The following TRAPPC9 variants were observed in gnomAD, a reference collection of about 807,000 sequenced individuals.
TRAPPC9 encodes trafficking protein particle complex subunit 9, also known as IKK2 binding protein.
TRAPPC9 carries 83 observed loss-of-function variants against 124.0 expected under a neutral mutation model. The ratio of observed to expected loss-of-function variants is 0.67; its 90% confidence interval spans 0.56 to 0.80. The LOEUF (loss-of-function observed/expected upper bound fraction) is 0.80, where lower values mean the gene tolerates loss of function less well. Ranked by LOEUF, TRAPPC9 falls within the 30% of genes least tolerant of loss-of-function variation. TRAPPC9 has a pLI of 0.00. For missense variants in TRAPPC9, 1,302 were observed against 1,508.3 expected (o/e 0.86, Z 2.27); for synonymous variants, 638 against 617.5 (o/e 1.03, Z -0.49).
intron 19 of TRAPPC9, among the ~76,000 whole-genome samples, chr8:139,956,684 C>T (rs1208732564): frequency 6.6e-6 from 1 of 152,236 alleles, no homozygotes; most frequent in African/African-American, 2.4e-5. Flanking sequence ...CAGAGCCTGG[C>T]GCCTGTGGAT....
At chr8:139,966,939 T>C (rs1012294645) in intron 19 of TRAPPC9, among the ~76,000 whole-genome samples, 1 of 152,046 alleles carries the variant, frequency 6.6e-6, no homozygotes, top group African/African-American at 2.4e-5. Flanking sequence ...AACTGTAAGA[T>C]GACATATTAA....
At chr8:139,832,425 C>A (rs1826054090) in intron 21 of TRAPPC9, among the ~76,000 whole-genome samples, 1 of 152,224 alleles carries the variant, frequency 6.6e-6, no homozygotes, top group Non-Finnish European at 1.5e-5. Context: ...AGAAGCCCAG[C>A]CGCTGGTTGG....
intron 21 of TRAPPC9, among the ~76,000 whole-genome samples, chr8:139,872,007 G>A (rs564656718): frequency 6.6e-6 from 1 of 152,332 alleles, no homozygotes; most frequent in South Asian, 2.1e-4. Flanking sequence ...TGGGCTGGTA[G>A]ATGGGTTGGT....
At chr8:139,845,393 T>A (rs56351408) in intron 21 of TRAPPC9, among the ~76,000 whole-genome samples, 1 of 152,164 alleles carries the variant, frequency 6.6e-6, no homozygotes, top group Non-Finnish European at 1.5e-5. Flanking sequence ...CGTACGACAT[T>A]AAAACGCACT....
At chr8:139,852,610 T>TA in intron 21 of TRAPPC9, among the ~76,000 whole-genome samples, 1 of 152,206 alleles carries the variant, frequency 6.6e-6, no homozygotes, top group Admixed American at 6.5e-5. Flanking sequence ...CTAATGGTGT[T>TA]AATGGTAATG....
At chr8:140,078,779 G>A (rs1055646032) in intron 17 of TRAPPC9, among the ~76,000 whole-genome samples, 1 of 152,060 alleles carries the variant, frequency 6.6e-6, no homozygotes, top group African/African-American at 2.4e-5. Flanking sequence ...TCTAACACCA[G>A]GTCAGCCACC....
intron 19 of TRAPPC9, among the ~76,000 whole-genome samples, chr8:139,983,044 A>T (rs930546677): frequency 6.6e-6 from 1 of 152,186 alleles, no homozygotes; most frequent in Non-Finnish European, 1.5e-5. Context: ...TGATTATATT[A>T]AAGGGCAGGG....
intron 21 of TRAPPC9, among the ~76,000 whole-genome samples, chr8:139,815,073 C>T (rs28677822): frequency 0.37 from 55,800 of 152,092 alleles, 11,403 homozygotes; most frequent in East Asian, 0.57. Context: ...TGTGGGTCAG[C>T]TTCAATCCCA....
At chr8:140,330,583 A>G (rs1038457766) in intron 9 of TRAPPC9, among the ~76,000 whole-genome samples, 9 of 152,216 alleles carry the variant, frequency 5.9e-5, no homozygotes, top group African/African-American at 9.6e-5. Context: ...GTTTATAAAC[A>G]TGTTCTACCA....
intron 17 of TRAPPC9, among the ~76,000 whole-genome samples, chr8:140,134,614 A>T (rs1045147749): frequency 6.6e-6 from 1 of 152,198 alleles, no homozygotes. Flanking sequence ...CTCTTCACCA[A>T]ATATTACTGG....
chr8:140,230,776 C>CA (rs1017050911), intron 16 of TRAPPC9, among the ~76,000 whole-genome samples: 3 of 88,092 alleles, frequency 3.4e-5, no homozygotes, highest in Admixed American at 1.4e-4. Flanking sequence ...AACTCCATCT[C>CA]AAAAAAAAAG....
At chr8:140,147,994 T>TC (rs1356421387) in intron 17 of TRAPPC9, among the ~76,000 whole-genome samples, 1 of 152,202 alleles carries the variant, frequency 6.6e-6, no homozygotes, top group East Asian at 1.9e-4. Context: ...GAGAAACACT[T>TC]CCTGAGATCC....
chr8:140,137,473 C>A (rs1225679929), intron 17 of TRAPPC9, among the ~76,000 whole-genome samples: 3 of 152,114 alleles, frequency 2.0e-5, no homozygotes, highest in East Asian at 1.9e-4. Context: ...GAGCTTTCCA[C>A]GGCAGATAAC....
chr8:139,737,364 G>A (rs1373805810), intron 21 of TRAPPC9, among the ~76,000 whole-genome samples: 1 of 152,090 alleles, frequency 6.6e-6, no homozygotes, highest in Non-Finnish European at 1.5e-5. Flanking sequence ...CTGGTCCCCA[G>A]GAGGTGGGCA....
intron 15 of TRAPPC9, among the ~76,000 whole-genome samples, chr8:140,272,130 C>CAATGATGATGGTGGT (rs1450234909): frequency 3.8e-3 from 383 of 100,458 alleles, no homozygotes; most frequent in African/African-American, 0.011. Context: ...GTGATGGTGG[C>CAATGATGATGGTGGT]GATGGTGATG....
At chr8:139,889,255 AG>A (rs1830192033) in intron 20 of TRAPPC9, among the ~76,000 whole-genome samples, 1 of 152,214 alleles carries the variant, frequency 6.6e-6, no homozygotes, top group Non-Finnish European at 1.5e-5. Context: ...TCAAATCCAC[AG>A]AGACAGAATG....
intron 18 of TRAPPC9, among the ~76,000 whole-genome samples, chr8:139,991,588 GT>G (rs35364219): frequency 0.01 from 1,499 of 142,924 alleles, 12 homozygotes; most frequent in African/African-American, 0.015. Context: ...TTTTGGGTTT[GT>G]TTTTTTTTTT....
rs963004178 is a variant in TRAPPC9 at position 139,788,354 on chromosome 8, G to A, written c.3056-56152C>T. Among the ~76,000 whole-genome samples, 5 of 152,230 alleles carry A rather than the reference G, an allele frequency of 3.3e-5. No homozygotes were observed. Among genetic ancestry groups the A allele is most frequent in the African/African-American group, 7.2e-5 (3 of 41,472 alleles). ...TTCCTTTTTCCCACAGGGAAAAGGA[G>A]TGGGAACAGGTTTCTAAAAATAGCC... On this transcript the variant is annotated intron_variant, in intron 21 of 22. Transcript: ENST00000438773. This position sits in a 1 kb window ranked among gnomAD's most constrained non-coding sequence, Gnocchi z 4.9.
intron 17 of TRAPPC9, among the ~76,000 whole-genome samples, chr8:140,031,310 A>G (rs1254516394): frequency 1.3e-5 from 2 of 152,220 alleles, no homozygotes; most frequent in Admixed American, 6.5e-5. Context: ...CCTGAGGGTC[A>G]TGCCAGATGT....
Sources: allele counts gnomAD v4.1 joint callset (sites outside exome capture counted in the v4.1 genomes callset), GRCh38; gene constraint gnomAD v4.1.1; non-coding constraint Gnocchi (gnomAD v3.1); transcripts MANE v1.5; gene names NCBI Gene and HGNC (gene_info 2026-07-23, HGNC 2026-07-21).